The following EXOC4 variants were observed in gnomAD, a reference collection of about 807,000 sequenced individuals.
EXOC4 encodes the protein SEC8-like 1.
In EXOC4, 71 loss-of-function variants were observed where a neutral mutation model predicts 107.2. That is an observed-to-expected ratio of 0.66 (90% CI 0.55 to 0.81). The LOEUF (loss-of-function observed/expected upper bound fraction) is 0.81. Among genes scored for constraint, EXOC4 ranks in the 30% least tolerant of loss-of-function variants. The pLI is 0.00. For synonymous variants in EXOC4, 456 were observed against 441.2 expected (o/e 1.03, Z -0.42); for missense variants, 1,108 against 1,189.6 (o/e 0.93, Z 1.01).
chr7:134,067,387 C>G (rs1796196688), downstream of EXOC4, among the ~76,000 whole-genome samples: 1 of 151,968 alleles, frequency 6.6e-6, no homozygotes, highest in South Asian at 2.1e-4. Context: ...TGATGTCATC[C>G]AACTTGGTTC....
At chr7:133,886,885 T>C (rs1799097612) in intron 11 of EXOC4, among the ~76,000 whole-genome samples, 3 of 152,178 alleles carry the variant, frequency 2.0e-5, no homozygotes, top group Admixed American at 2.0e-4. Context: ...AAATGGAAAC[T>C]TTTTTCCCTG....
chr7:133,802,338 C>T (rs1235416437), intron 10 of EXOC4, among the ~76,000 whole-genome samples: 2 of 152,236 alleles, frequency 1.3e-5, no homozygotes, highest in East Asian at 3.8e-4. Flanking sequence ...TAAGTGCTAA[C>T]ATGCACTATA....
At chr7:133,276,977 T>C (rs1438996455) in intron 2 of EXOC4, among the ~76,000 whole-genome samples, 3 of 152,128 alleles carry the variant, frequency 2.0e-5, no homozygotes, top group Admixed American at 6.5e-5. Context: ...TTTTTTTTTT[T>C]TGAGACGGAG....
chr7:133,767,540 T>C (rs1261069328), intron 10 of EXOC4, among the ~76,000 whole-genome samples: 1 of 151,950 alleles, frequency 6.6e-6, no homozygotes, highest in East Asian at 1.9e-4. Context: ...CACACTCTTA[T>C]TTCAAGAGAC....
chr7:133,666,981 T>G (rs955992152), intron 10 of EXOC4, among the ~76,000 whole-genome samples: 5 of 152,156 alleles, frequency 3.3e-5, no homozygotes, highest in Admixed American at 3.3e-4. Context: ...GATGGGTGTC[T>G]TCTTTTTCCC....
At chr7:133,287,343 C>T (rs1400999165) in intron 2 of EXOC4, among the ~76,000 whole-genome samples, 1 of 151,974 alleles carries the variant, frequency 6.6e-6, no homozygotes, top group Non-Finnish European at 1.5e-5. Context: ...CGGAGTCTTG[C>T]TCTGTCGCCC....
At chr7:133,719,886 A>G (rs533264182) in intron 10 of EXOC4, among the ~76,000 whole-genome samples, 1 of 152,024 alleles carries the variant, frequency 6.6e-6, no homozygotes, top group Non-Finnish European at 1.5e-5. Flanking sequence ...TGCTTGTAAG[A>G]AACTAACTTC....
rs1435562261 is a variant in EXOC4, at chr7:133,620,462, A to T, written c.1418-9583A>T. Among the ~76,000 whole-genome samples, 3 of 152,318 alleles carry T rather than the reference A, an allele frequency of 2.0e-5. No homozygotes were observed. The East Asian group carries it at 5.8e-4, about 29-fold the overall frequency. ...TATGACTTAGCAATTTCAGTTCTAG[A>T]TATACTGAGGAGAATTGAAACATAC... On this transcript the variant is annotated intron_variant, in intron 9 of 17. Transcript: ENST00000253861.
At position 133,374,975 on chromosome 7, in the gene EXOC4, A is replaced by G; in HGVS notation, c.1155A>G (p.Val385=). 6.2e-7 allele frequency: 1 copy of G among 1,613,836 alleles called. No homozygotes were observed. The highest frequency in any genetic ancestry group is 1.3e-5 in the African/African-American group (1 of 75,042). The part of the protein sequence containing the change: ...EDIKLYDMAD[V]WVKIQDVLQM... ...TCAAACTGTATGATATGGCAGATGTATGGGTGAAGATCCAAGATGTTCTAC... is the reference window on the plus strand; with the variant it reads ...TCAAACTGTATGATATGGCAGATGTGTGGGTGAAGATCCAAGATGTTCTAC... The change falls in exon 7 of 18, where the codon GTA becomes GTG. Residue 385 remains valine, a synonymous_variant. Transcript: ENST00000253861.
At chr7:134,027,979 C>T (rs1347032415) in intron 17 of EXOC4, among the ~76,000 whole-genome samples, 1 of 152,214 alleles carries the variant, frequency 6.6e-6, no homozygotes, top group Non-Finnish European at 1.5e-5. Flanking sequence ...GAGCTCTCAA[C>T]ACCCCTTACA....
chr7:133,959,063 TAA>T, intron 14 of EXOC4, among the ~76,000 whole-genome samples: 1 of 152,252 alleles, frequency 6.6e-6, no homozygotes, highest in East Asian at 1.9e-4. Context: ...GGTTCTCCAA[TAA>T]AAGAGACCAG....
chr7:133,934,945 C>T (rs772594510), intron 13 of EXOC4, among the ~76,000 whole-genome samples: 1 of 150,162 alleles, frequency 6.7e-6, no homozygotes, highest in African/African-American at 2.5e-5. Flanking sequence ...GATGACATCT[C>T]GTATGCTAAT....
intron 9 of EXOC4, among the ~76,000 whole-genome samples, chr7:133,591,118 G>A (rs1033625556): frequency 1.3e-5 from 2 of 152,294 alleles, no homozygotes; most frequent in African/African-American, 4.8e-5. Context: ...CCACAAAAGG[G>A]CCAAGGGAAC....
At chr7:133,673,908 A>T (rs1793999928) in intron 10 of EXOC4, among the ~76,000 whole-genome samples, 1 of 152,224 alleles carries the variant, frequency 6.6e-6, no homozygotes, top group Non-Finnish European at 1.5e-5. Flanking sequence ...CCTCATTCCT[A>T]TTGTTAAAGC....
chr7:133,254,771 A>G (rs1159645398), intron 1 of EXOC4, among the ~76,000 whole-genome samples: 1 of 152,192 alleles, frequency 6.6e-6, no homozygotes, highest in East Asian at 1.9e-4. Flanking sequence ...GAGACATGAA[A>G]TGTTATGGAA....
At chr7:133,859,057 A>C (rs552084772) in intron 11 of EXOC4, among the ~76,000 whole-genome samples, 111 of 152,268 alleles carry the variant, frequency 7.3e-4, no homozygotes, top group African/African-American at 2.6e-3. Flanking sequence ...TTGTTCTTCA[A>C]AAACCTTATT....
chr7:133,601,189 T>C (rs1233287511), intron 9 of EXOC4, among the ~76,000 whole-genome samples: 1 of 152,186 alleles, frequency 6.6e-6, no homozygotes, highest in African/African-American at 2.4e-5. Context: ...ATCTGATTGC[T>C]TTTTTAATTC....
At chr7:133,985,687 T>G (rs1022251312) in intron 14 of EXOC4, among the ~76,000 whole-genome samples, 2 of 152,362 alleles carry the variant, frequency 1.3e-5, no homozygotes, top group South Asian at 4.1e-4. Flanking sequence ...ATTGCAATTC[T>G]TACTTTCCAA....
intron 7 of EXOC4, among the ~76,000 whole-genome samples, chr7:133,420,811 G>A (rs1385632685): frequency 6.6e-6 from 1 of 151,676 alleles, no homozygotes; most frequent in Non-Finnish European, 1.5e-5. Context: ...TTGTTTTATG[G>A]TCAGCAAAAT....
Sources: allele counts gnomAD v4.1 joint callset (sites outside exome capture counted in the v4.1 genomes callset), GRCh38; gene constraint gnomAD v4.1.1; transcripts MANE v1.5; gene names NCBI Gene and HGNC (gene_info 2026-07-23, HGNC 2026-07-21).